CELF5: variants seen among roughly 807,000 people sequenced by gnomAD.
The protein encoded by CELF5 is CUG-BP and ETR-3 like factor 5.
In CELF5, 6 loss-of-function variants were observed where a neutral mutation model predicts 54.9. That is an observed-to-expected ratio of 0.11 (90% CI 0.06 to 0.22). The LOEUF (loss-of-function observed/expected upper bound fraction) is 0.22. Ranked by LOEUF, CELF5 falls within the 10% of genes least tolerant of loss-of-function variation. The pLI is 1.00. For synonymous variants in CELF5, 271 were observed against 290.9 expected, an observed-to-expected ratio of 0.93 and a Z score of 0.70; for missense variants, 401 against 678.6, an observed-to-expected ratio of 0.59 and a Z score of 4.54.
chr19:3,236,720 C>T (rs1917619224), intron 1 of CELF5, among the ~76,000 whole-genome samples: 1 of 152,172 alleles, frequency 6.6e-6, no homozygotes, highest in South Asian at 2.1e-4. Context: ...CGCGATGGCT[C>T]ACGCCTACAA....
chr19:3,246,537 CTAATAATAATAGTAA>C (rs2079570122), intron 1 of CELF5, among the ~76,000 whole-genome samples: 1 of 151,840 alleles, frequency 6.6e-6, no homozygotes, highest in East Asian at 1.9e-4. Flanking sequence ...GACCCCATCT[CTAATAATAATAGTAA>C]TAATAATAAT....
intron 4 of CELF5, among the ~76,000 whole-genome samples, chr19:3,276,433 G>C (rs2080054246): frequency 6.6e-6 from 1 of 151,160 alleles, no homozygotes; most frequent in African/African-American, 2.4e-5. Flanking sequence ...GGGAGGTACT[G>C]CAGGGAGGGG....
intron 2 of CELF5, among the ~76,000 whole-genome samples, chr19:3,256,139 C>T (rs541167112): frequency 5.3e-5 from 8 of 152,054 alleles, no homozygotes; most frequent in Non-Finnish European, 1.0e-4. Flanking sequence ...CCTTGGCCAT[C>T]TTTAGTTTCT....
At chr19:3,293,212 G>A (rs943835520) in intron 11 of CELF5, 107 bp from the exon 12 acceptor site, 24 of 1,464,252 alleles carry the variant, frequency 1.6e-5, no homozygotes, top group Middle Eastern at 2.4e-4. Flanking sequence ...AGGTGTGCAC[G>A]CAGGCCTGCT....
At chr19:3,245,115 G>A (rs559541161) in intron 1 of CELF5, among the ~76,000 whole-genome samples, 152 of 149,140 alleles carry the variant, frequency 1.0e-3, no homozygotes, top group Non-Finnish European at 1.9e-3. Flanking sequence ...ATGCACCTGT[G>A]CATGTGTGTG....
rs372488135 is a variant in CELF5 at position 3,256,064 on chromosome 19, C to CAGAAAAAAAAAAAAAAAAAAAA, written c.342+4998_342+4999insGAAAAAAAAAAAAAAAAAAAAA. Among the ~76,000 whole-genome samples, 7 of 139,548 alleles carry CAGAAAAAAAAAAAAAAAAAAAA rather than the reference C, an allele frequency of 5.0e-5. 1 individual carries two copies. The highest frequency in any genetic ancestry group is 4.9e-4 in the East Asian group (2 of 4,108). The allele number at this position is 139,548 out of a possible 152,430, so 91.5% of individuals were successfully genotyped here. A position where few individuals can be genotyped will look rare whatever the true frequency, so the allele number is the denominator to read the frequency against. On this transcript the variant is annotated intron_variant, in intron 2 of 12. Coordinates refer to ENST00000292672, the MANE Select transcript of CELF5 (RefSeq NM_021938.4). ...TGGGTGACAGAACAAGACCCTGTCT[C>CAGAAAAAAAAAAAAAAAAAAAA]AAAAAAAAAGGAAAGGTGCGAAGTG...
intron 1 of CELF5, among the ~76,000 whole-genome samples, chr19:3,246,289 A>G (rs889839296): frequency 6.6e-6 from 1 of 151,834 alleles, no homozygotes; most frequent in African/African-American, 2.4e-5. Context: ...GCTTGAACCC[A>G]GGAGGGGAAG....
intron 9 of CELF5, among the ~76,000 whole-genome samples, chr19:3,285,683 G>T (rs980164252): frequency 2.8e-4 from 1 of 3,586 alleles, no homozygotes; most frequent in Non-Finnish European, 5.6e-4. Context: ...CCCCTTCCCC[G>T]CCCCGTCTCG....
At chr19:3,287,124 A>G (rs549886542) in intron 10 of CELF5, among the ~76,000 whole-genome samples, 4 of 152,134 alleles carry the variant, frequency 2.6e-5, no homozygotes, top group African/African-American at 9.6e-5. Flanking sequence ...GGATAAATAA[A>G]TTAGGATGGA....
At position 3,282,398 on chromosome 19, in the gene CELF5, C is replaced by T. The variant is rs756354716; in HGVS notation, c.939C>T (p.Leu313=). 51 of 1,612,162 alleles carry T rather than the reference C, an allele frequency of 3.2e-5. No individual in the cohort carries two copies. Among genetic ancestry groups the T allele is most frequent in the Admixed American group, 5.0e-5 (3 of 60,014 alleles). The part of the protein sequence containing the change: ...PLLGTTAVPG[L]VAPITNGFAG... ...TGGGCACCACCGCTGTGCCTGGCCT[C>T]GTGGCTCCCATCACCAATGGCTTTG... The change falls in exon 8 of 13, where the codon CTC becomes CTT. Residue 313 remains leucine, a synonymous_variant. Transcript: ENST00000292672. This position sits in a 1 kb window ranked among gnomAD's most constrained non-coding sequence, Gnocchi z 5.2.
chr19:3,282,232 A>G lies in CELF5; in HGVS notation c.857A>G (p.Asn286Ser). 3 of 1,613,364 alleles carry G rather than the reference A, an allele frequency of 1.9e-6. No individual in the cohort carries two copies. Among genetic ancestry groups the G allele is most frequent in the South Asian group, 1.1e-5 (1 of 91,084 alleles). Residue 286 changes from asparagine to serine, a missense_variant, in exon 7 of 13, where the codon AAC becomes AGC. By Grantham distance (46) the Asn-to-Ser change is conservative (BLOSUM62 1). Transcript: ENST00000292672. This position sits in a 1 kb window ranked among gnomAD's most constrained non-coding sequence, Gnocchi z 5.2. ...HIQQIGAVSL[N>S]GLPATPIAPA... ...CAGCAGATAGGCGCCGTCAGCCTCA[A>G]CGGGCTGCCTGCCACACCCATCGCT...
In CELF5 at chr19:3,281,946, G is replaced by A. The variant is rs34139199; in HGVS notation, c.751-180G>A. 9.9e-5 allele frequency among the ~76,000 whole-genome samples: 15 copies of A among 151,562 alleles called. No homozygotes were observed. The highest frequency in any genetic ancestry group is 7.9e-4 in the Admixed American group (12 of 15,190). ...TGATCTCAGCCTGAGCCTCACTTCC[G>A]AACCGATCTCTGCTCCCAGGCTGAG... On this transcript the variant is annotated intron_variant, in intron 6 of 12. Transcript: ENST00000292672. This position sits in a 1 kb window ranked among gnomAD's most constrained non-coding sequence, Gnocchi z 6.5.
At chr19:3,234,578 C>T (rs1259149217) in intron 1 of CELF5, among the ~76,000 whole-genome samples, 1 of 152,096 alleles carries the variant, frequency 6.6e-6, no homozygotes, top group African/African-American at 2.4e-5. Context: ...CAAGCATCCA[C>T]GGTGCAGAAG....
At position 3,282,294 on chromosome 19, in the gene CELF5, T is replaced by C; in HGVS notation, c.892+27T>C. 6.2e-7 allele frequency: 1 copy of C among 1,609,946 alleles called. No individual in the cohort carries two copies. Among genetic ancestry groups the C allele is most frequent in the Non-Finnish European group, 8.5e-7 (1 of 1,179,950 alleles). On this transcript the variant is annotated intron_variant, in intron 7 of 12. Transcript: ENST00000292672. The surrounding 1 kb of genome is among the most constrained non-coding windows in gnomAD (Gnocchi z 5.2). ...TGAGCCTCCTCCAGGCACCCAAGGA[T>C]GGGTGGGCAGGGCTGGAGCCAGAAC...
chr19:3,225,683 T>G (rs312056), intron 1 of CELF5: 156,168 of 780,854 alleles, frequency 0.2, 16,101 homozygotes, highest in East Asian at 0.25. Context: ...CTCGCCTGCC[T>G]CGGGTGGCGG....
intron 1 of CELF5, among the ~76,000 whole-genome samples, chr19:3,230,007 T>C (rs933469302): frequency 5.9e-5 from 9 of 152,178 alleles, no homozygotes; most frequent in African/African-American, 2.2e-4. Context: ...AGTGGGCTTG[T>C]GTCTCTCTCT....
intron 2 of CELF5, among the ~76,000 whole-genome samples, chr19:3,264,096 G>T (rs375032547): frequency 1.3e-5 from 2 of 151,932 alleles, no homozygotes; most frequent in Non-Finnish European, 2.9e-5. Context: ...TCTGGTTGTC[G>T]GTAACACGCC....
At chr19:3,230,665 C>G (rs995852062) in intron 1 of CELF5, among the ~76,000 whole-genome samples, 1 of 152,208 alleles carries the variant, frequency 6.6e-6, no homozygotes, top group African/African-American at 2.4e-5. Context: ...GGCAGACCTG[C>G]ATGGGAAGCG....
intron 2 of CELF5, among the ~76,000 whole-genome samples, chr19:3,257,788 T>A (rs1314664209): frequency 4.3e-5 from 3 of 69,524 alleles, no homozygotes; most frequent in African/African-American, 4.6e-5. Context: ...CATTTTTTTT[T>A]ATTTATTTAT....
Sources: gnomAD v4.1 joint callset for allele counts (sites outside exome capture counted in the v4.1 genomes callset) on GRCh38, gnomAD v4.1.1 for gene constraint, Gnocchi (gnomAD v3.1) non-coding constraint, MANE v1.5 for transcripts, NCBI Gene and HGNC (gene_info 2026-07-23, HGNC 2026-07-21) for gene names.